Variants in FSHR observed in about 807,000 individuals in gnomAD.
The protein encoded by FSHR is follicle-stimulating hormone receptor.
In FSHR, 46 loss-of-function variants were observed where a neutral mutation model predicts 52.1. The ratio of observed to expected loss-of-function variants is 0.88; its 90% CI spans 0.70 to 1.13. The LOEUF (loss-of-function observed/expected upper bound fraction) is 1.13, where lower values mean the gene tolerates loss of function less well. FSHR is among the 50% of genes most tolerant of loss of function. FSHR has a pLI of 0.00. For missense variants in FSHR, 964 were observed against 834.6 expected (o/e 1.16, Z -1.91); for synonymous variants, 399 against 309.6 (o/e 1.29, Z -3.03).
chr2:49,120,415 G>T (rs1331279637), intron 1 of FSHR, among the ~76,000 whole-genome samples: 1 of 152,210 alleles, frequency 6.6e-6, no homozygotes, highest in African/African-American at 2.4e-5. Flanking sequence ...GGATAATACT[G>T]ATGAATTCTG....
intron 1 of FSHR, among the ~76,000 whole-genome samples, chr2:49,103,437 G>T (rs1671106089): frequency 6.6e-6 from 1 of 152,102 alleles, no homozygotes; most frequent in African/African-American, 2.4e-5. Context: ...AACTACAGAG[G>T]CCTCCTCTGC....
intron 1 of FSHR, among the ~76,000 whole-genome samples, chr2:49,153,245 A>G (rs909130860): frequency 6.6e-6 from 1 of 152,356 alleles, no homozygotes; most frequent in African/African-American, 2.4e-5. Flanking sequence ...CAAATCATCC[A>G]CAGCTTTAAG....
intron 2 of FSHR, among the ~76,000 whole-genome samples, chr2:49,049,194 A>T (rs1453432139): frequency 1.3e-5 from 2 of 152,130 alleles, no homozygotes; most frequent in Non-Finnish European, 2.9e-5. Context: ...GGAGGAAAAA[A>T]AAAAGGCCAA....
chr2:49,089,783 A>G (rs1670534030), intron 1 of FSHR, among the ~76,000 whole-genome samples: 2 of 152,188 alleles, frequency 1.3e-5, no homozygotes, highest in African/African-American at 4.8e-5. Context: ...TATTCCTGTT[A>G]AAAGGGGTCT....
intron 8 of FSHR, among the ~76,000 whole-genome samples, chr2:48,982,623 C>T (rs997988459): frequency 1.3e-5 from 2 of 152,174 alleles, no homozygotes; most frequent in South Asian, 2.1e-4. Flanking sequence ...GCTCCTACCA[C>T]AGGGGGTGAT....
intron 4 of FSHR, among the ~76,000 whole-genome samples, chr2:49,004,764 C>T (rs185703239): frequency 6.6e-5 from 10 of 152,228 alleles, no homozygotes; most frequent in Admixed American, 5.2e-4. Flanking sequence ...CTGAGACTTG[C>T]TTTTCACCCA....
At chr2:49,018,614 C>A (rs1469118607) in intron 3 of FSHR, among the ~76,000 whole-genome samples, 2 of 152,116 alleles carry the variant, frequency 1.3e-5, no homozygotes, top group South Asian at 2.1e-4. Context: ...TGGTTCATTT[C>A]TCTGATAATG....
rs117758175 is a variant in FSHR at position 49,106,659 on chromosome 2, C to T, written c.153-38369G>A. The stretch of plus-strand genomic sequence containing the variant: ...GAGCATGGAGCAATGTTCTTGACAC[C>T]GAATCTGTGTCACTGGCTGTTACCT... On this transcript the variant is annotated intron_variant, in intron 1 of 9. Transcript: ENST00000406846. 1.4e-3 allele frequency among the ~76,000 whole-genome samples: 218 copies of T among 152,282 alleles called. 3 individuals are homozygous for T. In the East Asian group the frequency reaches 0.037, roughly 26 times the overall value.
intron 1 of FSHR, among the ~76,000 whole-genome samples, chr2:49,115,717 G>C (rs1266750380): frequency 2.0e-5 from 3 of 152,180 alleles, no homozygotes; most frequent in Non-Finnish European, 4.4e-5. Context: ...TGCATCATTA[G>C]TAAGAATCAG....
chr2:49,140,401 T>C (rs751424125), intron 1 of FSHR, among the ~76,000 whole-genome samples: 3 of 152,126 alleles, frequency 2.0e-5, no homozygotes, highest in Non-Finnish European at 4.4e-5. Context: ...AAAAGCTCCC[T>C]GAGGTCTCCC....
intron 4 of FSHR, 57 bp downstream of exon 4, chr2:49,017,432 A>G: frequency 7.4e-7 from 1 of 1,349,216 alleles, no homozygotes; most frequent in South Asian, 1.2e-5. Flanking sequence ...GCCTTTTAGT[A>G]AAATAGGCTT....
At position 49,068,285 on chromosome 2, in the gene FSHR, A is replaced by G. The variant is rs759354921; in HGVS notation, c.158T>C (p.Phe53Ser). The G allele has an allele frequency of 3.7e-6, 6 of 1,611,234 alleles. No homozygotes were observed. The highest frequency in any genetic ancestry group is 5.1e-6 in the Non-Finnish European group (6 of 1,178,214). The change falls in exon 2 of 10, where the codon TTT becomes TCT. Residue 53 changes from phenylalanine (F) to serine (S), a missense_variant. Physicochemically the swap from Phe to Ser is radical, Grantham distance 155. Coordinates refer to ENST00000406846, the MANE Select transcript of FSHR (RefSeq NM_000145.4). ...DLPRNAIELR[F>S]VLTKLRVIQK... ...GATGACTCGAAGCTTGGTGAGGACA[A>G]ACCTCCTGCAAAGAGAGTAGAAATA...
At chr2:49,024,679 A>T (rs1042272452) in intron 2 of FSHR, among the ~76,000 whole-genome samples, 6 of 152,146 alleles carry the variant, frequency 3.9e-5, no homozygotes, top group African/African-American at 1.4e-4. Flanking sequence ...GGTCTTTCCC[A>T]TCTTGTCCCT....
Position 49,146,664 on chromosome 2 carries a change from A to G in FSHR, c.152+7602T>C, listed in dbSNP as rs970110990. Among the ~76,000 whole-genome samples, 16 of 152,096 alleles carry G rather than the reference A, an allele frequency of 1.1e-4. No homozygotes were observed. The South Asian group carries it at 1.9e-3, about 18-fold the overall frequency. On this transcript the variant is annotated intron_variant, in intron 1 of 9. Transcript: ENST00000406846. Reference sequence around the variant, plus strand: ...GGAATCTGACGCCTAGAGAAAGCCTATTGGTTTGGGGAAGTTTGGTGCCTG... The same window carrying G: ...GGAATCTGACGCCTAGAGAAAGCCTGTTGGTTTGGGGAAGTTTGGTGCCTG...
At chr2:49,036,578 G>A (rs1258195344) in intron 2 of FSHR, among the ~76,000 whole-genome samples, 2 of 152,040 alleles carry the variant, frequency 1.3e-5, no homozygotes, top group African/African-American at 4.8e-5. Flanking sequence ...ATTGGCCTTT[G>A]GTGTGTGTGT....
chr2:48,979,604 T>A (rs1320155646), intron 8 of FSHR, among the ~76,000 whole-genome samples: 1 of 152,120 alleles, frequency 6.6e-6, no homozygotes, highest in Non-Finnish European at 1.5e-5. Context: ...CTGCACCCAA[T>A]AATTCTTGAT....
intron 1 of FSHR, among the ~76,000 whole-genome samples, chr2:49,121,720 A>C (rs1463383144): frequency 6.6e-6 from 1 of 152,206 alleles, no homozygotes; most frequent in East Asian, 1.9e-4. Context: ...CCTTAACTCC[A>C]ACATCGGAGT....
chr2:49,021,136 C>T (rs1242217906), intron 2 of FSHR, among the ~76,000 whole-genome samples: 1 of 151,962 alleles, frequency 6.6e-6, no homozygotes, highest in Non-Finnish European at 1.5e-5. Context: ...TATTTAAATC[C>T]CTTTCCACTC....
At chr2:48,994,006 A>G (rs1192862471) in intron 4 of FSHR, among the ~76,000 whole-genome samples, 1 of 152,200 alleles carries the variant, frequency 6.6e-6, no homozygotes, top group Admixed American at 6.5e-5. Context: ...TATTTATCCA[A>G]TGTCTGCCTC....
Sources: gnomAD v4.1 joint callset for allele counts (sites outside exome capture counted in the v4.1 genomes callset) on GRCh38, gnomAD v4.1.1 for gene constraint, MANE v1.5 for transcripts, NCBI Gene and HGNC (gene_info 2026-07-23, HGNC 2026-07-21) for gene names.